The following CRB1 variants were observed in gnomAD, a reference collection of about 807,000 sequenced individuals.
CRB1 encodes the protein crumbs cell polarity complex component 1.
A neutral mutation model predicts 120.0 loss-of-function variants in CRB1; 83 were observed. The ratio of observed to expected loss-of-function variants is 0.69; its 90% CI spans 0.58 to 0.83. The LOEUF is 0.83. Ranked by LOEUF, CRB1 falls within the 40% of genes least tolerant of loss-of-function variation. CRB1 has a pLI of 0.00. For missense variants in CRB1, 1,699 were observed against 1,687.6 expected (o/e 1.01, Z -0.12); for synonymous variants, 625 against 612.5 (o/e 1.02, Z -0.30).
intron 10 of CRB1, chr1:197,440,411 T>C (rs1383178409): frequency 6.6e-6 from 1 of 152,230 alleles, no homozygotes; most frequent in Non-Finnish European, 1.5e-5. Flanking sequence ...CAGGAGACTT[T>C]TCAACTGGAA....
chr1:197,265,021 T>G (rs965265405), upstream of CRB1, among the ~76,000 whole-genome samples: 2 of 152,216 alleles, frequency 1.3e-5, no homozygotes, highest in African/African-American at 4.8e-5. Flanking sequence ...TTATAATCTC[T>G]TAAGTTAGCT....
the CRB1 span, among the ~76,000 whole-genome samples, chr1:197,231,718 G>A: frequency 6.6e-6 from 1 of 152,186 alleles, no homozygotes; most frequent in African/African-American, 2.4e-5. Context: ...AAGATCACCA[G>A]ATACCTAGTT....
At chr1:197,354,186 C>T (rs190961855) in intron 4 of CRB1, among the ~76,000 whole-genome samples, 1 of 152,296 alleles carries the variant, frequency 6.6e-6, no homozygotes, top group East Asian at 1.9e-4. Flanking sequence ...TCACAATCAT[C>T]CACTGCTGGT....
At chr1:197,203,911 CTATACCTAATGTGTAGCCTTT>C in the CRB1 span, among the ~76,000 whole-genome samples, 1 of 152,146 alleles carries the variant, frequency 6.6e-6, no homozygotes, top group African/African-American at 2.4e-5. Flanking sequence ...GTAGTACACA[CTATACCTAATGTGTAGCCTTT>C]TATCCCTCAC....
intron 11 of CRB1, among the ~76,000 whole-genome samples, chr1:197,466,664 G>A (rs183557887): frequency 6.6e-5 from 10 of 152,166 alleles, no homozygotes; most frequent in Non-Finnish European, 1.3e-4. Flanking sequence ...TTTGATTTGG[G>A]GGCAATAAAT....
At chr1:197,329,255 A>C (rs1658714397) in intron 2 of CRB1, among the ~76,000 whole-genome samples, 1 of 152,222 alleles carries the variant, frequency 6.6e-6, no homozygotes, top group Admixed American at 6.5e-5. Context: ...GATTCAGTCT[A>C]GAATGAATGA....
the CRB1 span, among the ~76,000 whole-genome samples, chr1:197,209,007 G>A: frequency 6.6e-6 from 1 of 152,260 alleles, no homozygotes; most frequent in East Asian, 1.9e-4. Flanking sequence ...GAAAGTGAGA[G>A]AAAGCTGGCA....
intron 4 of CRB1, among the ~76,000 whole-genome samples, chr1:197,349,389 C>T (rs901284158): frequency 6.6e-6 from 1 of 152,134 alleles, no homozygotes; most frequent in African/African-American, 2.4e-5. Context: ...AAATCTAATT[C>T]TCATTAGGAT....
chr1:197,331,784 G>A (rs1658869286), intron 2 of CRB1, among the ~76,000 whole-genome samples: 2 of 152,030 alleles, frequency 1.3e-5, no homozygotes, highest in South Asian at 2.1e-4. Flanking sequence ...AAAAAACACA[G>A]CTTGCAAAAC....
chr1:197,263,667 T>C (rs1373930498), upstream of CRB1, among the ~76,000 whole-genome samples: 1 of 152,124 alleles, frequency 6.6e-6, no homozygotes, highest in Non-Finnish European at 1.5e-5. Context: ...CATTAGTTCT[T>C]GATACTTACC....
chr1:197,232,057 A>G, the CRB1 span, among the ~76,000 whole-genome samples: 1 of 152,148 alleles, frequency 6.6e-6, no homozygotes, highest in East Asian at 1.9e-4. Flanking sequence ...GAAAGGTAGG[A>G]GGGTCAGAGT....
intron 5 of CRB1, among the ~76,000 whole-genome samples, chr1:197,415,792 A>G (rs1366223867): frequency 1.3e-5 from 2 of 150,964 alleles, no homozygotes; most frequent in East Asian, 1.9e-4. Flanking sequence ...ACAGGCGCCC[A>G]CCACCACACC....
At chr1:197,443,407 T>C (rs2125516103) in intron 11 of CRB1, 1 of 152,172 alleles carries the variant, frequency 6.6e-6, no homozygotes, top group South Asian at 2.1e-4. Flanking sequence ...CCTGCAATAC[T>C]TTCCCTTTTC....
At chr1:197,280,650 G>T (rs747699814) in intron 1 of CRB1, among the ~76,000 whole-genome samples, 2 of 151,834 alleles carry the variant, frequency 1.3e-5, no homozygotes, top group Admixed American at 6.6e-5. Flanking sequence ...GAATTGCCTA[G>T]GTTACAGATT....
chr1:197,243,098 A>G, the CRB1 span, among the ~76,000 whole-genome samples: 3 of 150,952 alleles, frequency 2.0e-5, no homozygotes, highest in Admixed American at 6.6e-5. Flanking sequence ...TGGTCTATCT[A>G]TTTTGTTAAT....
chr1:197,448,948 T>C (rs528238534), intron 11 of CRB1, among the ~76,000 whole-genome samples: 6 of 152,328 alleles, frequency 3.9e-5, no homozygotes, highest in African/African-American at 1.2e-4. Context: ...TTATATTGCT[T>C]CCTTATTTTA....
chr1:197,402,868 C>T (rs1420750064), intron 5 of CRB1, among the ~76,000 whole-genome samples: 1 of 152,176 alleles, frequency 6.6e-6, no homozygotes, highest in Non-Finnish European at 1.5e-5. Context: ...TTTCTGCCCC[C>T]AATGTAGATT....
chr1:197,277,256 C>A (rs898495570), intron 1 of CRB1, among the ~76,000 whole-genome samples: 1 of 151,912 alleles, frequency 6.6e-6, no homozygotes, highest in South Asian at 2.1e-4. Context: ...CTAGATTAAC[C>A]GCATTGTGTA....
intron 2 of CRB1, among the ~76,000 whole-genome samples, chr1:197,334,484 GC>G (rs1198587399): frequency 4.6e-5 from 7 of 152,048 alleles, no homozygotes; most frequent in Non-Finnish European, 1.0e-4. Flanking sequence ...AATAAAAAGG[GC>G]TTTTTGGAGT....
Sources: allele counts gnomAD v4.1 joint callset (sites outside exome capture counted in the v4.1 genomes callset), GRCh38; gene constraint gnomAD v4.1.1; transcripts MANE v1.5; gene names NCBI Gene and HGNC (gene_info 2026-07-23, HGNC 2026-07-21).